RTN4: variants seen among roughly 807,000 people sequenced by gnomAD.
RTN4 encodes the protein reticulon 4, also known as reticulon-4.
RTN4 carries 32 observed loss-of-function variants against 90.4 expected under a neutral mutation model. The ratio of observed to expected loss-of-function variants is 0.35; its 90% confidence interval spans 0.27 to 0.48. The LOEUF (loss-of-function observed/expected upper bound fraction) is 0.48. Ranked by LOEUF, RTN4 falls within the 20% of genes least tolerant of loss-of-function variation. RTN4 has a pLI of 0.99. For missense variants in RTN4, 1,706 were observed against 1,430.2 expected (o/e 1.19, Z -3.11); for synonymous variants, 629 against 552.5 (o/e 1.14, Z -1.94).
intron 3 of RTN4, among the ~76,000 whole-genome samples, chr2:54,995,971 T>A (rs80194342): frequency 0.066 from 9,978 of 152,200 alleles, 538 homozygotes; most frequent in South Asian, 0.19. Flanking sequence ...TTAAAAATTC[T>A]AAGGAATCCA....
At chr2:54,989,465 A>C (rs1487114299) in intron 3 of RTN4, among the ~76,000 whole-genome samples, 1 of 152,206 alleles carries the variant, frequency 6.6e-6, no homozygotes, top group East Asian at 1.9e-4. Context: ...GAGGACTGAC[A>C]AGAACTTGAA....
At chr2:55,055,017 T>C (rs977262818), upstream of RTN4, among the ~76,000 whole-genome samples, 1 of 152,088 alleles carries the variant, frequency 6.6e-6, no homozygotes, top group Middle Eastern at 3.2e-3. Context: ...CAGTTAGTGT[T>C]GGATCTAAAA....
intron 2 of RTN4, among the ~76,000 whole-genome samples, chr2:55,072,420 G>C (rs1273047159): frequency 6.6e-6 from 1 of 151,960 alleles, no homozygotes; most frequent in East Asian, 1.9e-4. Context: ...TAGTAGAGAT[G>C]GGGTTTCACT....
chr2:55,027,552 G>A, intron 2 of RTN4, 67 bp from the exon 3 acceptor site: 3 of 1,486,716 alleles, frequency 2.0e-6, no homozygotes, highest in Non-Finnish European at 2.7e-6. Flanking sequence ...CAAGTTTTAT[G>A]ACAGATCCAA....
At chr2:55,049,562 G>T in intron 1 of RTN4, 183 bp downstream of exon 1, 1 of 965,612 alleles carries the variant, frequency 1.0e-6, no homozygotes, top group Non-Finnish European at 1.6e-6. Flanking sequence ...ACAAACCCGG[G>T]CTCCAAGGGC....
intron 1 of RTN4, among the ~76,000 whole-genome samples, chr2:55,088,581 A>C (rs757268695): frequency 1.3e-5 from 2 of 152,250 alleles, no homozygotes; most frequent in Non-Finnish European, 2.9e-5. Flanking sequence ...ATTGGTTTGC[A>C]TATTTTCAAA....
In RTN4 at chr2:55,110,629, C is replaced by T. The variant is rs138976946; in HGVS notation, c.-214+1891G>A. On this transcript the variant is annotated intron_variant, in intron 1 of 3. Coordinates refer to the RTN4 transcript ENST00000427710. ...GTCAATCTATCTGAGGGCGCATATA[C>T]GTCCATTTGGATCCTTTAAAAAAAA... Among the ~76,000 whole-genome samples, 6 of 152,270 alleles carry T rather than the reference C, an allele frequency of 3.9e-5. No homozygotes were observed. The East Asian group carries it at 5.8e-4, about 15-fold the overall frequency.
chr2:55,022,512 G>A (rs1681515243), intron 3 of RTN4, among the ~76,000 whole-genome samples: 1 of 152,092 alleles, frequency 6.6e-6, no homozygotes, highest in African/African-American at 2.4e-5. Flanking sequence ...CCTAAGGGAG[G>A]AGTGGGGAGG....
chr2:55,093,404 T>TATA (rs1553452445), intron 1 of RTN4, among the ~76,000 whole-genome samples: 17 of 147,280 alleles, frequency 1.2e-4, no homozygotes, highest in African/African-American at 3.9e-4. Context: ...TTAATTTATT[T>TATA]TATATATATA....
intron 7 of RTN4, 33 bp from the exon 8 acceptor site, chr2:54,973,654 T>C: frequency 6.4e-7 from 1 of 1,570,388 alleles, no homozygotes; most frequent in African/African-American, 1.4e-5. Context: ...TTATTACCGT[T>C]GCTAAAGAAT....
the RTN4 span, among the ~76,000 whole-genome samples, chr2:55,119,713 G>A: frequency 6.6e-6 from 1 of 152,112 alleles, no homozygotes; most frequent in Admixed American, 6.5e-5. Flanking sequence ...AGTTCCCCAG[G>A]GATCTCCCAG....
intron 3 of RTN4, among the ~76,000 whole-genome samples, chr2:55,013,941 T>C (rs867053702): frequency 6.6e-6 from 1 of 152,164 alleles, no homozygotes; most frequent in Non-Finnish European, 1.5e-5. Flanking sequence ...AGAGCTAAAA[T>C]AATTTATACT....
intron 1 of RTN4, among the ~76,000 whole-genome samples, chr2:55,086,374 A>ACC (rs1668837926): frequency 6.6e-6 from 1 of 152,028 alleles, no homozygotes; most frequent in African/African-American, 2.4e-5. Context: ...ATAGAATATG[A>ACC]CCAGGGCTGG....
At chr2:55,099,077 C>T (rs1316278051) in intron 1 of RTN4, among the ~76,000 whole-genome samples, 1 of 152,048 alleles carries the variant, frequency 6.6e-6, no homozygotes, top group Admixed American at 6.6e-5. Context: ...CTTTAGAGGC[C>T]ATAGAAAGGG....
chr2:55,129,056 C>A, the RTN4 span, among the ~76,000 whole-genome samples: 2 of 145,050 alleles, frequency 1.4e-5, no homozygotes, highest in African/African-American at 5.1e-5. Flanking sequence ...TGCAGTGAGC[C>A]GAGATCGCGC....
In RTN4 at chr2:55,027,290, C is replaced by G. The variant is rs199922298; in HGVS notation, c.809G>C (p.Ser270Thr). The change falls in exon 3 of 9, where the codon AGT becomes ACT. Residue 270 changes from serine to threonine, a missense_variant. Ser to Thr is a moderately conservative substitution (Grantham distance 58, BLOSUM62 1). Transcript: ENST00000337526. Reference protein sequence around the residue: ...PTEGTLQENVSEASKEVSEKA... With the variant: ...PTEGTLQENVTEASKEVSEKA... Reference sequence around the variant, plus strand: ...CTCTGAGACCTCTTTAGAAGCTTCACTGACATTTTCTTGAAGTGTTCCTTC... The same window carrying G: ...CTCTGAGACCTCTTTAGAAGCTTCAGTGACATTTTCTTGAAGTGTTCCTTC... The G allele has an allele frequency of 6.2e-7, 1 of 1,613,660 alleles. No homozygotes were observed. The highest frequency in any genetic ancestry group is 8.5e-7 in the Non-Finnish European group (1 of 1,179,756).
intron 1 of RTN4, among the ~76,000 whole-genome samples, chr2:55,036,688 G>A (rs911135921): frequency 2.2e-4 from 33 of 149,606 alleles, no homozygotes; most frequent in Admixed American, 4.7e-4. Flanking sequence ...ACAACAGCCC[G>A]AAAAGGAAAA....
At chr2:55,030,023 A>C (rs1682189250) in intron 1 of RTN4, among the ~76,000 whole-genome samples, 1 of 152,184 alleles carries the variant, frequency 6.6e-6, no homozygotes, top group African/African-American at 2.4e-5. Flanking sequence ...TGCTCCATCT[A>C]AATAACAGTT....
intron 3 of RTN4, among the ~76,000 whole-genome samples, chr2:55,000,324 T>C (rs914648327): frequency 6.6e-6 from 1 of 152,034 alleles, no homozygotes; most frequent in Non-Finnish European, 1.5e-5. Flanking sequence ...TCCTCTTCCT[T>C]TAACTAGAGT....
Sources: allele counts gnomAD v4.1 joint callset (sites outside exome capture counted in the v4.1 genomes callset), GRCh38; gene constraint gnomAD v4.1.1; transcripts MANE v1.5; gene names NCBI Gene and HGNC (gene_info 2026-07-23, HGNC 2026-07-21).